The following CTNNA3 variants were observed in gnomAD, a reference collection of about 807,000 sequenced individuals.
CTNNA3 encodes the protein catenin alpha-3.
Under a neutral mutation model 95.7 loss-of-function variants are expected in CTNNA3, and 76 were observed. The ratio of observed to expected loss-of-function variants is 0.79; its 90% confidence interval spans 0.66 to 0.96. The LOEUF (loss-of-function observed/expected upper bound fraction) is 0.96. CTNNA3 is among the 40% of genes least tolerant of loss of function. The probability of loss-of-function intolerance (pLI) is 0.00; values close to 1 mark genes in which losing one functional copy is unlikely to be tolerated. For synonymous variants in CTNNA3, 431 were observed against 374.4 expected, an observed-to-expected ratio of 1.15 and a Z score of -1.74; for missense variants, 1,191 against 1,089.8, an observed-to-expected ratio of 1.09 and a Z score of -1.31.
intron 13 of CTNNA3, among the ~76,000 whole-genome samples, chr10:66,112,288 T>A: frequency 6.6e-6 from 1 of 152,156 alleles, no homozygotes; most frequent in Non-Finnish European, 1.5e-5. Context: ...ACATATTTTA[T>A]TGAGTTAATG....
chr10:67,279,533 T>G (rs1839312787), intron 5 of CTNNA3, among the ~76,000 whole-genome samples: 1 of 151,012 alleles, frequency 6.6e-6, no homozygotes, highest in Non-Finnish European at 1.5e-5. Context: ...AAGGGGCAGA[T>G]AGGGTAATAG....
Position 67,424,348 on chromosome 10 carries a change from C to T in CTNNA3, c.579+97494G>A, listed in dbSNP as rs1046418544. Among the ~76,000 whole-genome samples, 4 of 152,156 alleles carry T rather than the reference C, an allele frequency of 2.6e-5. No individual in the cohort carries two copies. In the East Asian group the frequency reaches 7.7e-4, roughly 29 times the overall value. On this transcript the variant is annotated intron_variant, in intron 5 of 17. Transcript: ENST00000433211. ...ACAGCACTAAAAATGAAACGAAAGC[C>T]AGATATGACAGAAACTGCTGAGGAG...
chr10:66,949,432 C>T (rs567724654), intron 7 of CTNNA3, among the ~76,000 whole-genome samples: 1 of 152,242 alleles, frequency 6.6e-6, no homozygotes, highest in African/African-American at 2.4e-5. Flanking sequence ...TTGGCATATG[C>T]CTGTAATCCC....
chr10:66,094,700 C>G (rs2133706741), intron 14 of CTNNA3, among the ~76,000 whole-genome samples: 1 of 152,232 alleles, frequency 6.6e-6, no homozygotes, highest in Admixed American at 6.6e-5. Flanking sequence ...ATCCCTCTCA[C>G]CATATCTCTG....
At chr10:67,528,635 T>C (rs1353997891) in intron 4 of CTNNA3, among the ~76,000 whole-genome samples, 2 of 152,236 alleles carry the variant, frequency 1.3e-5, no homozygotes, top group Non-Finnish European at 2.9e-5. Context: ...CATAACACTT[T>C]GTACCAACCT....
At chr10:66,438,384 G>C (rs1367608504) in intron 11 of CTNNA3, among the ~76,000 whole-genome samples, 1 of 152,162 alleles carries the variant, frequency 6.6e-6, no homozygotes, top group Non-Finnish European at 1.5e-5. Flanking sequence ...CTTTCTTTCA[G>C]AGATGCCCTG....
At chr10:67,691,083 G>A (rs1024545408) in intron 1 of CTNNA3, among the ~76,000 whole-genome samples, 6 of 152,218 alleles carry the variant, frequency 3.9e-5, no homozygotes, top group Non-Finnish European at 8.8e-5. Flanking sequence ...TGGTGGAGAC[G>A]GGGTTTCACT....
At chr10:66,173,565 T>A (rs1406399666) in intron 13 of CTNNA3, among the ~76,000 whole-genome samples, 1 of 151,884 alleles carries the variant, frequency 6.6e-6, no homozygotes, top group Non-Finnish European at 1.5e-5. Flanking sequence ...CATTTCTATT[T>A]TCAGCCACTC....
At chr10:66,301,921 T>C (rs1191551548) in intron 12 of CTNNA3, among the ~76,000 whole-genome samples, 1 of 152,014 alleles carries the variant, frequency 6.6e-6, no homozygotes, top group Non-Finnish European at 1.5e-5. Flanking sequence ...GACACGATTG[T>C]CTATATAGAA....
At chr10:66,915,365 C>T (rs1300842831) in intron 7 of CTNNA3, among the ~76,000 whole-genome samples, 10 of 151,966 alleles carry the variant, frequency 6.6e-5, no homozygotes, top group African/African-American at 2.4e-4. Context: ...AATTCAATGT[C>T]TCAAAGATTC....
intron 4 of CTNNA3, among the ~76,000 whole-genome samples, chr10:67,524,267 G>A (rs1840070639): frequency 6.6e-6 from 1 of 151,944 alleles, no homozygotes; most frequent in Non-Finnish European, 1.5e-5. Flanking sequence ...GCCAGGAGAG[G>A]TGGCGGGCGC....
chr10:67,446,118 G>A (rs1215084620), intron 5 of CTNNA3, among the ~76,000 whole-genome samples: 1 of 152,172 alleles, frequency 6.6e-6, no homozygotes, highest in African/African-American at 2.4e-5. Flanking sequence ...TGCAAGGGAA[G>A]GCAAACATGA....
chr10:66,103,949 C>A (rs1041120135), intron 13 of CTNNA3, among the ~76,000 whole-genome samples: 1 of 152,146 alleles, frequency 6.6e-6, no homozygotes, highest in African/African-American at 2.4e-5. Flanking sequence ...AATTTTATTT[C>A]AGTGAATAGC....
intron 7 of CTNNA3, among the ~76,000 whole-genome samples, chr10:66,971,566 G>A (rs1468645616): frequency 6.6e-6 from 1 of 152,174 alleles, no homozygotes; most frequent in Non-Finnish European, 1.5e-5. Flanking sequence ...AACCAGGAGT[G>A]TAATTCACTC....
At chr10:66,053,990 T>C (rs1337664977) in intron 15 of CTNNA3, among the ~76,000 whole-genome samples, 2 of 152,200 alleles carry the variant, frequency 1.3e-5, no homozygotes, top group African/African-American at 4.8e-5. Context: ...TTTGTCTTTC[T>C]GTGCCTGGCT....
intron 7 of CTNNA3, among the ~76,000 whole-genome samples, chr10:67,168,205 C>T (rs1370304336): frequency 6.6e-6 from 1 of 152,110 alleles, no homozygotes; most frequent in African/African-American, 2.4e-5. Context: ...ACCAGATGTA[C>T]AAAGAAGAGC....
At chr10:66,014,179 C>T (rs1366268657) in intron 15 of CTNNA3, among the ~76,000 whole-genome samples, 5 of 151,940 alleles carry the variant, frequency 3.3e-5, no homozygotes, top group South Asian at 4.2e-4. Context: ...GAAAGTCCTA[C>T]GCTACATACA....
chr10:67,168,687 C>A (rs1861887584), intron 7 of CTNNA3, among the ~76,000 whole-genome samples: 1 of 152,174 alleles, frequency 6.6e-6, no homozygotes, highest in South Asian at 2.1e-4. Context: ...ACTGAAAGGG[C>A]AAAAGCTGCA....
intron 16 of CTNNA3, among the ~76,000 whole-genome samples, chr10:65,980,027 GA>G (rs1216937685): frequency 1.3e-5 from 2 of 151,850 alleles, no homozygotes; most frequent in African/African-American, 4.8e-5. Flanking sequence ...AAAAATAAAT[GA>G]AATATAAAGC....
Sources: gnomAD v4.1 joint callset for allele counts (sites outside exome capture counted in the v4.1 genomes callset) on GRCh38, gnomAD v4.1.1 for gene constraint, MANE v1.5 for transcripts, NCBI Gene and HGNC (gene_info 2026-07-23, HGNC 2026-07-21) for gene names.